The following DKK2 variants were observed in gnomAD, a reference collection of about 807,000 sequenced individuals.
DKK2 encodes the protein dickkopf-related protein 2.
A neutral mutation model predicts 28.1 loss-of-function variants in DKK2; 11 were observed. That is an observed-to-expected ratio of 0.39 (90% confidence interval 0.25 to 0.65). DKK2 has a LOEUF of 0.65. Ranked by LOEUF, DKK2 falls within the 30% of genes least tolerant of loss-of-function variation. DKK2 has a pLI of 0.47. For missense variants in DKK2, 326 were observed against 335.5 expected, an observed-to-expected ratio of 0.97 and a Z score of 0.22; for synonymous variants, 135 against 126.5, an observed-to-expected ratio of 1.07 and a Z score of -0.45.
intron 1 of DKK2, among the ~76,000 whole-genome samples, chr4:106,978,765 C>T (rs181152707): frequency 6.6e-6 from 1 of 151,514 alleles, no homozygotes; most frequent in African/African-American, 2.4e-5. Context: ...GTCTTGCTGG[C>T]GTTCCGGGTG....
At chr4:107,003,688 A>G (rs966029792) in intron 1 of DKK2, among the ~76,000 whole-genome samples, 2 of 152,204 alleles carry the variant, frequency 1.3e-5, no homozygotes, top group Non-Finnish European at 2.9e-5. Context: ...TTCTTTTCCT[A>G]CTGAGCAAGA....
chr4:107,033,294 G>C (rs1723904890), intron 1 of DKK2, among the ~76,000 whole-genome samples: 4 of 151,930 alleles, frequency 2.6e-5, no homozygotes, highest in African/African-American at 2.4e-5. Context: ...TGTTATGAAA[G>C]GCATATAAGA....
At chr4:106,973,502 T>C (rs183529619) in intron 1 of DKK2, among the ~76,000 whole-genome samples, 57 of 152,374 alleles carry the variant, frequency 3.7e-4, no homozygotes, top group African/African-American at 1.3e-3. Context: ...GATGAGCTTT[T>C]TTTCCTGTTT....
intron 1 of DKK2, among the ~76,000 whole-genome samples, chr4:106,941,499 TAA>T (rs1172089850): frequency 2.6e-5 from 4 of 152,128 alleles, no homozygotes; most frequent in Non-Finnish European, 5.9e-5. Flanking sequence ...ACATAACCTG[TAA>T]AATAGGTAAG....
At chr4:107,025,104 T>C (rs1723754194) in intron 1 of DKK2, among the ~76,000 whole-genome samples, 1 of 152,048 alleles carries the variant, frequency 6.6e-6, no homozygotes, top group Admixed American at 6.5e-5. Context: ...GAGGTCCACG[T>C]GAGGTTGAAG....
chr4:106,980,719 G>C (rs956187190), intron 1 of DKK2, among the ~76,000 whole-genome samples: 1 of 152,118 alleles, frequency 6.6e-6, no homozygotes, highest in Non-Finnish European at 1.5e-5. Context: ...TTATTAAGCA[G>C]GTTTCATGTG....
intron 1 of DKK2, among the ~76,000 whole-genome samples, chr4:107,014,074 A>G (rs559478986): frequency 5.9e-4 from 90 of 151,644 alleles, no homozygotes; most frequent in Middle Eastern, 3.4e-3. Context: ...AACAAACAGT[A>G]TGGAGTTCCC....
At chr4:106,983,592 A>G (rs1308555525) in intron 1 of DKK2, among the ~76,000 whole-genome samples, 1 of 152,180 alleles carries the variant, frequency 6.6e-6, no homozygotes, top group Non-Finnish European at 1.5e-5. Flanking sequence ...CAACCCTGCC[A>G]AAAAACATCG....
intron 1 of DKK2, among the ~76,000 whole-genome samples, chr4:106,929,602 C>T (rs1415436688): frequency 1.3e-5 from 2 of 152,148 alleles, no homozygotes; most frequent in South Asian, 2.1e-4. Context: ...TTTTCTGCAA[C>T]CCCCTTTCTA....
intron 1 of DKK2, among the ~76,000 whole-genome samples, chr4:107,022,058 A>C (rs1723700377): frequency 6.6e-6 from 1 of 152,072 alleles, no homozygotes; most frequent in Admixed American, 6.6e-5. Context: ...TCCATCCTTA[A>C]CTGAAGTTAA....
rs1366269900 is a variant in DKK2, at chr4:106,930,771, AC to A, written c.223-4823del. Among the ~76,000 whole-genome samples the A allele has an allele frequency of 2.6e-5, 4 of 152,230 alleles. No individual in the cohort carries two copies. In the East Asian group the frequency reaches 7.8e-4, roughly 30 times the overall value. On this transcript the variant is annotated intron_variant, in intron 1 of 3. Coordinates refer to ENST00000285311, the MANE Select transcript of DKK2 (RefSeq NM_014421.3). ...GGCAGAAGAAAGCCTGCAGGGGACG[AC>A]CCAGCTGTGGGAATGAAAAACATTT...
chr4:106,944,816 G>A (rs1186604129), intron 1 of DKK2, among the ~76,000 whole-genome samples: 1 of 151,976 alleles, frequency 6.6e-6, no homozygotes, highest in Non-Finnish European at 1.5e-5. Context: ...CAGAGTAATT[G>A]GATTCCCTTG....
intron 1 of DKK2, among the ~76,000 whole-genome samples, chr4:107,032,401 A>G (rs1329947173): frequency 6.6e-6 from 1 of 152,098 alleles, no homozygotes; most frequent in African/African-American, 2.4e-5. Context: ...TGCCTATGGA[A>G]CAAGTAGAAT....
At chr4:107,015,628 C>T (rs147284207) in intron 1 of DKK2, among the ~76,000 whole-genome samples, 548 of 151,698 alleles carry the variant, frequency 3.6e-3, no homozygotes, top group Admixed American at 5.7e-3. Flanking sequence ...GTTCAAATAC[C>T]ACTTTTTCCC....
At chr4:107,016,410 C>A (rs1196454624) in intron 1 of DKK2, among the ~76,000 whole-genome samples, 3 of 151,854 alleles carry the variant, frequency 2.0e-5, no homozygotes, top group African/African-American at 4.8e-5. Flanking sequence ...AATACCAATT[C>A]TTTTTAATGT....
At position 107,035,258 on chromosome 4, in the gene DKK2, C is replaced by T. The variant is rs560949293; in HGVS notation, c.222+112G>A. The T allele has an allele frequency of 1.1e-3, 1,366 of 1,292,586 alleles. 22 individuals carry two copies. The South Asian group carries it at 0.018, about 17-fold the overall frequency. 80.1% of individuals were successfully genotyped at this position (1,292,586 alleles called of 1,614,324 possible). A position where few individuals can be genotyped will look rare whatever the true frequency, so the allele number is the denominator to read the frequency against. ...GAATCCCTCCCCAGCCGCCTGTTCT[C>T]TGTATCTGGGGCCACGCTCCGAATG... is the stretch of plus-strand genomic sequence containing the variant. On this transcript the variant is annotated intron_variant, in intron 1 of 3. Transcript: ENST00000285311.
intron 1 of DKK2, among the ~76,000 whole-genome samples, chr4:107,011,293 T>C (rs1483553025): frequency 6.6e-6 from 1 of 151,536 alleles, no homozygotes. Flanking sequence ...TATCATTCAT[T>C]GTTCATTTAG....
chr4:106,954,009 CAGTG>C (rs1206145960), intron 1 of DKK2, among the ~76,000 whole-genome samples: 3 of 152,150 alleles, frequency 2.0e-5, no homozygotes, highest in Non-Finnish European at 4.4e-5. Flanking sequence ...CACAAATACA[CAGTG>C]AGTATAATAA....
intron 1 of DKK2, among the ~76,000 whole-genome samples, chr4:106,990,216 C>T (rs955515084): frequency 5.3e-5 from 8 of 152,028 alleles, no homozygotes; most frequent in Admixed American, 4.6e-4. Flanking sequence ...AAATTTATTT[C>T]CTCAGTCACA....
Sources: allele counts gnomAD v4.1 joint callset (sites outside exome capture counted in the v4.1 genomes callset), GRCh38; gene constraint gnomAD v4.1.1; transcripts MANE v1.5; gene names NCBI Gene and HGNC (gene_info 2026-07-23, HGNC 2026-07-21).